The following LARP4B variants were observed in gnomAD, a reference collection of about 807,000 sequenced individuals.
LARP4B encodes the protein La ribonucleoprotein 4B.
Under a neutral mutation model 89.8 loss-of-function variants are expected in LARP4B, and 12 were observed. The ratio of observed to expected loss-of-function variants is 0.13; its 90% CI spans 0.09 to 0.22. LARP4B has a LOEUF of 0.22. Ranked by LOEUF, LARP4B falls within the 10% of genes least tolerant of loss-of-function variation. The pLI is 1.00. For synonymous variants in LARP4B, 367 were observed against 363.3 expected (o/e 1.01, Z -0.12); for missense variants, 757 against 947.7 (o/e 0.80, Z 2.64).
At chr10:947,401 T>C in the LARP4B span, among the ~76,000 whole-genome samples, 1 of 151,976 alleles carries the variant, frequency 6.6e-6, no homozygotes, top group African/African-American at 2.4e-5. Flanking sequence ...GACCCACATA[T>C]TCTGAGGCCA....
At chr10:976,595 G>C in the LARP4B span, among the ~76,000 whole-genome samples, 9 of 149,268 alleles carry the variant, frequency 6.0e-5, no homozygotes, top group Non-Finnish European at 1.3e-4. Flanking sequence ...GGCCTGCCGT[G>C]TAATGTGTGG....
chr10:839,866 G>A (rs1456350685), intron 7 of LARP4B, among the ~76,000 whole-genome samples: 1 of 152,204 alleles, frequency 6.6e-6, no homozygotes, highest in East Asian at 1.9e-4. Flanking sequence ...GCAATTTGTA[G>A]TGGTCAAAAC....
intron 17 of LARP4B, 21 bp from the exon 18 acceptor site, chr10:813,234 G>T: frequency 6.3e-7 from 1 of 1,584,850 alleles, no homozygotes; most frequent in Non-Finnish European, 8.6e-7. Context: ...ACAATCCTGG[G>T]TTACCTGTGT....
chr10:872,446 TG>T (rs1835264169), intron 3 of LARP4B, among the ~76,000 whole-genome samples: 4 of 152,180 alleles, frequency 2.6e-5, no homozygotes, highest in Admixed American at 2.6e-4. Context: ...CTGCCACGCT[TG>T]GGCAGGCAGA....
In LARP4B at chr10:845,034, T is replaced by G; in HGVS notation, c.452A>C (p.Asp151Ala). The G allele has an allele frequency of 1.2e-6, 2 of 1,610,742 alleles. No individual in the cohort carries two copies. Among genetic ancestry groups the G allele is most frequent in the Non-Finnish European group, 1.7e-6 (2 of 1,179,456 alleles). Residue 151 changes from aspartate to alanine, a missense_variant, in exon 6 of 18, where the codon GAC (aspartate) becomes GCC (alanine). This residue lies in a region of LARP4B where 54 missense variants were observed against 96.0 expected (regional missense o/e 0.56). Coordinates refer to ENST00000316157, the MANE Select transcript of LARP4B (RefSeq NM_015155.3). Reference protein sequence around the residue: ...SETGGNESQPDSQEDPREVLK... With the variant: ...SETGGNESQPASQEDPREVLK... ...TACTTCTCGGGGGTCTTCCTGGCTG[T>G]CTGGTTGAGACTCATTTCCTCCTAC...
At chr10:860,936 C>G (rs1483668100) in intron 5 of LARP4B, among the ~76,000 whole-genome samples, 1 of 152,144 alleles carries the variant, frequency 6.6e-6, no homozygotes, top group African/African-American at 2.4e-5. Flanking sequence ...GTGGGCGGGT[C>G]ATGAGGTCGG....
chr10:947,446 C>T, the LARP4B span, among the ~76,000 whole-genome samples: 7 of 152,076 alleles, frequency 4.6e-5, no homozygotes, highest in African/African-American at 7.2e-5. Context: ...GAACACACCA[C>T]GCAGTCCCAG....
At chr10:860,211 CT>C (rs573412278) in intron 5 of LARP4B, among the ~76,000 whole-genome samples, 6 of 151,968 alleles carry the variant, frequency 3.9e-5, no homozygotes, top group Non-Finnish European at 5.9e-5. Context: ...AAAAAACAGT[CT>C]TTTTTTTAAA....
the LARP4B span, among the ~76,000 whole-genome samples, chr10:979,095 G>T: frequency 6.6e-6 from 1 of 152,088 alleles, no homozygotes; most frequent in Non-Finnish European, 1.5e-5. Context: ...TCTGCATTCT[G>T]TCTATGATTT....
At chr10:816,033 A>G (rs1832036443) in intron 15 of LARP4B, among the ~76,000 whole-genome samples, 1 of 152,256 alleles carries the variant, frequency 6.6e-6, no homozygotes, top group African/African-American at 2.4e-5. Context: ...GTTTGAGGCC[A>G]GCCTGGCCAA....
At chr10:938,496 G>A in the LARP4B span, among the ~76,000 whole-genome samples, 2 of 151,994 alleles carry the variant, frequency 1.3e-5, no homozygotes, top group South Asian at 2.1e-4. Flanking sequence ...CTTGTGATCC[G>A]CCCGCCTCGG....
Position 814,691 on chromosome 10 carries a change from A to C in LARP4B, c.1929+51T>G. On this transcript the variant is annotated intron_variant, in intron 17 of 17. Coordinates refer to ENST00000316157, the MANE Select transcript of LARP4B (RefSeq NM_015155.3). The surrounding 1 kb of genome is among the most constrained non-coding windows in gnomAD (Gnocchi z 4.4). The stretch of plus-strand genomic sequence containing the variant: ...GTGCAGGAGTGCGCAGCGTCTGTTC[A>C]CACCAGAGCCTCGCGGCTGTCGTGC... 6.4e-7 allele frequency: 1 copy of C among 1,557,514 alleles called. No homozygotes were observed. The highest frequency in any genetic ancestry group is 1.4e-5 in the African/African-American group (1 of 73,404).
At chr10:844,953 T>C (rs1273252746) in intron 6 of LARP4B, 24 bp downstream of exon 6, 1 of 1,569,752 alleles carries the variant, frequency 6.4e-7, no homozygotes, top group Non-Finnish European at 8.7e-7. Flanking sequence ...TATCAGGTAC[T>C]AGAAAAACCA....
chr10:878,122 C>T (rs1835527860), intron 3 of LARP4B, among the ~76,000 whole-genome samples: 1 of 152,194 alleles, frequency 6.6e-6, no homozygotes, highest in Non-Finnish European at 1.5e-5. Context: ...CAAGAGCCCA[C>T]TGGGGCTGGA....
intron 5 of LARP4B, among the ~76,000 whole-genome samples, chr10:855,527 G>C (rs1432511488): frequency 6.6e-6 from 1 of 152,102 alleles, no homozygotes; most frequent in African/African-American, 2.4e-5. Flanking sequence ...GGAGCAGTCA[G>C]AACACACACG....
rs192491431 is a variant in LARP4B, at chr10:840,344, C to T, written c.646+2588G>A. 1.8e-3 allele frequency among the ~76,000 whole-genome samples: 270 copies of T among 152,282 alleles called. 3 individuals are homozygous for T. Among genetic ancestry groups the T allele is most frequent in the Non-Finnish European group, 2.1e-4 (14 of 68,024 alleles). The stretch of plus-strand genomic sequence containing the variant: ...GACACTGAATGATGAGCTTCAATCC[C>T]GTTCATGCTTTCACACCATCTCCGT... On this transcript the variant is annotated intron_variant, in intron 7 of 17. Coordinates refer to ENST00000316157, the MANE Select transcript of LARP4B (RefSeq NM_015155.3).
intron 3 of LARP4B, among the ~76,000 whole-genome samples, chr10:876,434 CAAG>C (rs995835809): frequency 2.0e-5 from 3 of 152,124 alleles, no homozygotes; most frequent in African/African-American, 7.2e-5. Context: ...GAGAAATAGG[CAAG>C]AAGAAGCAAG....
At chr10:934,057 C>G (rs1027381225), upstream of LARP4B, among the ~76,000 whole-genome samples, 2 of 152,106 alleles carry the variant, frequency 1.3e-5, no homozygotes, top group Non-Finnish European at 2.9e-5. Context: ...TGGTCTTGAT[C>G]TCCTGACCTC....
intron 12 of LARP4B, 74 bp from the exon 13 acceptor site, chr10:825,390 G>T: frequency 7.0e-7 from 1 of 1,428,946 alleles, no homozygotes; most frequent in Non-Finnish European, 9.7e-7. Flanking sequence ...TACTGACATG[G>T]AATAGCTAAG....
Sources: allele counts gnomAD v4.1 joint callset (sites outside exome capture counted in the v4.1 genomes callset), GRCh38; gene constraint gnomAD v4.1.1; regional missense constraint gnomAD v4.1.1; non-coding constraint Gnocchi (gnomAD v3.1); transcripts MANE v1.5; gene names NCBI Gene and HGNC (gene_info 2026-07-23, HGNC 2026-07-21).